The following SPOCK3 variants were observed in gnomAD, a reference collection of about 807,000 sequenced individuals.
The protein encoded by SPOCK3 is testican-3.
SPOCK3 carries 30 observed loss-of-function variants against 56.6 expected under a neutral mutation model. That is an observed-to-expected ratio of 0.53 (90% CI 0.40 to 0.72). The LOEUF (loss-of-function observed/expected upper bound fraction) is 0.72. Ranked by LOEUF, SPOCK3 falls within the 30% of genes least tolerant of loss-of-function variation. The pLI is 0.00. For missense variants in SPOCK3, 527 were observed against 530.0 expected (o/e 0.99, Z 0.06); for synonymous variants, 196 against 183.3 (o/e 1.07, Z -0.56).
intron 5 of SPOCK3, among the ~76,000 whole-genome samples, chr4:166,890,732 G>C (rs1734682393): frequency 6.6e-6 from 1 of 151,962 alleles, no homozygotes; most frequent in Non-Finnish European, 1.5e-5. Context: ...ATATTCTGTT[G>C]ATTTGGGGTG....
chr4:166,964,833 A>C (rs1383996608), intron 4 of SPOCK3, among the ~76,000 whole-genome samples: 2 of 151,854 alleles, frequency 1.3e-5, no homozygotes, highest in Admixed American at 6.6e-5. Flanking sequence ...TTTTTTTTCT[A>C]GGATATTTTT....
intron 2 of SPOCK3, among the ~76,000 whole-genome samples, chr4:167,160,716 G>A (rs1201591063): frequency 6.6e-6 from 1 of 152,082 alleles, no homozygotes; most frequent in Non-Finnish European, 1.5e-5. Context: ...GAACAGAACA[G>A]AGCCCTCAGA....
At chr4:166,914,587 A>G (rs1283925455) in intron 4 of SPOCK3, among the ~76,000 whole-genome samples, 1 of 152,114 alleles carries the variant, frequency 6.6e-6, no homozygotes, top group Non-Finnish European at 1.5e-5. Flanking sequence ...CCTGACCAAC[A>G]TGGAGAAATC....
chr4:167,150,581 C>T (rs1479462017), intron 2 of SPOCK3, among the ~76,000 whole-genome samples: 2 of 151,880 alleles, frequency 1.3e-5, no homozygotes, highest in Non-Finnish European at 2.9e-5. Context: ...AAAATAAATG[C>T]CTAAATATAG....
chr4:167,067,111 G>T (rs1362450280), intron 2 of SPOCK3, among the ~76,000 whole-genome samples: 2 of 151,772 alleles, frequency 1.3e-5, no homozygotes, highest in Non-Finnish European at 2.9e-5. Context: ...ATGCCCAAAA[G>T]CTCCATAAAT....
At chr4:166,841,391 G>C (rs530927954) in intron 6 of SPOCK3, among the ~76,000 whole-genome samples, 1 of 152,118 alleles carries the variant, frequency 6.6e-6, no homozygotes, top group African/African-American at 2.4e-5. Flanking sequence ...TAGACTTATA[G>C]AATTACAAAT....
chr4:166,831,032 C>G (rs1443217294), intron 6 of SPOCK3, among the ~76,000 whole-genome samples: 1 of 151,642 alleles, frequency 6.6e-6, no homozygotes, highest in Non-Finnish European at 1.5e-5. Flanking sequence ...ATTTTAGAAT[C>G]AATTTTTCAA....
At chr4:167,144,474 A>T (rs968811409) in intron 2 of SPOCK3, among the ~76,000 whole-genome samples, 1 of 151,976 alleles carries the variant, frequency 6.6e-6, no homozygotes, top group Non-Finnish European at 1.5e-5. Flanking sequence ...TCAGTTTGCA[A>T]GTTTTTAATA....
In SPOCK3 at chr4:167,037,754, C is replaced by A. The variant is rs531529636; in HGVS notation, c.235+24738G>T. ...GAACACCTAACTTAAGTGGAGGTGG[C>A]TTTAACCTTTTAGGAAAATCTGGTT... On this transcript the variant is annotated intron_variant, in intron 3 of 10. Transcript: ENST00000357545. 2.6e-5 allele frequency among the ~76,000 whole-genome samples: 4 copies of A among 152,258 alleles called. No homozygotes were observed. In the South Asian group the frequency reaches 8.3e-4, roughly 32 times the overall value.
chr4:166,904,102 A>G (rs1355177672), intron 5 of SPOCK3, among the ~76,000 whole-genome samples: 1 of 151,740 alleles, frequency 6.6e-6, no homozygotes, highest in Non-Finnish European at 1.5e-5. Context: ...TTATTATATT[A>G]TTACTTTTAT....
rs1339267969 is a variant in SPOCK3, at chr4:167,059,152, G to T, written c.235+3340C>A. On this transcript the variant is annotated intron_variant, in intron 3 of 10. Transcript: ENST00000357545. Reference sequence around the variant, plus strand: ...CAACAAAAGCCAAAATTGACAAATGGGATCTAATTAAACTAAAGAGCTTCT... The same window carrying T: ...CAACAAAAGCCAAAATTGACAAATGTGATCTAATTAAACTAAAGAGCTTCT... Among the ~76,000 whole-genome samples the T allele has an allele frequency of 7.2e-5, 11 of 152,012 alleles. No individual in the cohort carries two copies. In the South Asian group the frequency reaches 1.5e-3, roughly 20 times the overall value.
chr4:167,079,800 T>C (rs1394621133), intron 2 of SPOCK3, among the ~76,000 whole-genome samples: 1 of 152,012 alleles, frequency 6.6e-6, no homozygotes, highest in African/African-American at 2.4e-5. Flanking sequence ...TTTTGAGCAG[T>C]GCTGAGCTAC....
intron 2 of SPOCK3, among the ~76,000 whole-genome samples, chr4:167,219,170 G>A (rs1398475877): frequency 3.3e-5 from 5 of 152,190 alleles, no homozygotes; most frequent in Non-Finnish European, 5.9e-5. Flanking sequence ...CATCCGAGGA[G>A]AATATCAGAT....
intron 2 of SPOCK3, among the ~76,000 whole-genome samples, chr4:167,205,222 T>TA (rs1733952315): frequency 1.0e-5 from 1 of 99,108 alleles, no homozygotes; most frequent in African/African-American, 4.1e-5. Flanking sequence ...ATATTATATA[T>TA]TTTATATCTA....
At chr4:166,799,172 T>A (rs1742282623) in intron 6 of SPOCK3, among the ~76,000 whole-genome samples, 1 of 152,134 alleles carries the variant, frequency 6.6e-6, no homozygotes, top group Admixed American at 6.5e-5. Context: ...AGCAATAGTT[T>A]ATGGATGACC....
chr4:167,164,035 T>C (rs1302951965), intron 2 of SPOCK3, among the ~76,000 whole-genome samples: 1 of 152,032 alleles, frequency 6.6e-6, no homozygotes, highest in East Asian at 1.9e-4. Flanking sequence ...AAAAATACAA[T>C]CCTAGGATTT....
Position 166,778,813 on chromosome 4 carries a change from G to A in SPOCK3, c.709+13357C>T, listed in dbSNP as rs186122773. 3.1e-3 allele frequency among the ~76,000 whole-genome samples: 472 copies of A among 152,020 alleles called. 3 individuals are homozygous for A. Among genetic ancestry groups the A allele is most frequent in the African/African-American group, 0.011 (446 of 41,456 alleles). ...TGCGTGTTGAGGAAGGAGGTTATGT[G>A]TAGTGAATTTCCAATTTTTGCTGTT... On this transcript the variant is annotated intron_variant, in intron 7 of 10. Transcript: ENST00000357545.
intron 2 of SPOCK3, among the ~76,000 whole-genome samples, chr4:167,228,567 C>T (rs769839149): frequency 9.2e-5 from 14 of 152,234 alleles, no homozygotes; most frequent in South Asian, 2.1e-4. Flanking sequence ...TGCCTTCCTT[C>T]GTCATGTGAT....
intron 2 of SPOCK3, among the ~76,000 whole-genome samples, chr4:167,167,027 C>T (rs1361292702): frequency 1.3e-5 from 2 of 152,062 alleles, no homozygotes; most frequent in East Asian, 1.9e-4. Flanking sequence ...CAAATGTCCT[C>T]ATATGATGTT....
Sources: gnomAD v4.1 joint callset for allele counts (sites outside exome capture counted in the v4.1 genomes callset) on GRCh38, gnomAD v4.1.1 for gene constraint, MANE v1.5 for transcripts, NCBI Gene and HGNC (gene_info 2026-07-23, HGNC 2026-07-21) for gene names.